The following NUP155 variants were observed in gnomAD, a reference collection of about 807,000 sequenced individuals.
The protein encoded by NUP155 is nucleoporin 155.
NUP155 carries 71 observed loss-of-function variants against 180.4 expected under a neutral mutation model. The ratio of observed to expected loss-of-function variants is 0.39; its 90% confidence interval spans 0.33 to 0.48. NUP155 has a LOEUF of 0.48. NUP155 is among the 20% of genes least tolerant of loss of function. The pLI is 0.91. For synonymous variants in NUP155, 582 were observed against 559.5 expected, an observed-to-expected ratio of 1.04 and a Z score of -0.57; for missense variants, 1,553 against 1,648.9, an observed-to-expected ratio of 0.94 and a Z score of 1.01.
At chr5:37,309,048 C>T in intron 24 of NUP155, 81 bp downstream of exon 24, 1 of 1,470,630 alleles carries the variant, frequency 6.8e-7, no homozygotes, top group Non-Finnish European at 9.4e-7. Context: ...AGTGGCTTTT[C>T]ATCATTAGCT....
chr5:37,342,451 T>A (rs1451329140), intron 10 of NUP155, 98 bp downstream of exon 10: 1 of 752,526 alleles, frequency 1.3e-6, no homozygotes, highest in African/African-American at 1.8e-5. Flanking sequence ...TTACGGCAGA[T>A]ATAGAAGGAA....
chr5:37,303,482 A>T, intron 27 of NUP155, 68 bp from the exon 28 acceptor site: 1 of 1,344,160 alleles, frequency 7.4e-7, no homozygotes, highest in South Asian at 1.2e-5. Context: ...GATAAGGAAA[A>T]TATAGTATTT....
chr5:37,296,121 C>G (rs1470574930), intron 32 of NUP155, among the ~76,000 whole-genome samples: 3 of 151,910 alleles, frequency 2.0e-5, no homozygotes, highest in Admixed American at 6.5e-5. Flanking sequence ...GCCCGGCCGC[C>G]CCTACTGGGA....
chr5:37,344,318 G>A (rs1170388173), intron 9 of NUP155, among the ~76,000 whole-genome samples: 1 of 148,588 alleles, frequency 6.7e-6, no homozygotes, highest in African/African-American at 2.5e-5. Context: ...CTCCAGACTG[G>A]GTGACAGAGC....
chr5:37,333,784 T>A lies in NUP155; in HGVS notation c.1348-151A>T. 4.3e-6 allele frequency: 3 copies of A among 690,658 alleles called. No homozygotes were observed. The South Asian group carries it at 5.7e-5, about 13-fold the overall frequency. 42.8% of individuals were successfully genotyped at this position (690,658 alleles called of 1,614,324 possible). ...ATTATGTAATTTTCTACTATCTTTT[T>A]TTTAAATCAGGTATTTTCTGGGTTT... On this transcript the variant is annotated intron_variant, in intron 12 of 34. Transcript: ENST00000231498.
chr5:37,294,005 CAAAAAAAAAAAAA>C (rs70976294), intron 33 of NUP155, among the ~76,000 whole-genome samples: 1 of 37,282 alleles, frequency 2.7e-5, no homozygotes, highest in Non-Finnish European at 3.7e-5. Flanking sequence ...GACGCCGTCT[CAAAAAAAAAAAAA>C]AAAAAAAAAA....
intron 11 of NUP155, among the ~76,000 whole-genome samples, chr5:37,340,401 T>A (rs1745635501): frequency 6.6e-6 from 1 of 151,224 alleles, no homozygotes. Context: ...GCAGAGATTG[T>A]GCTACTGCAC....
chr5:37,324,064 T>G lies in NUP155; in HGVS notation c.2135A>C (p.Gln712Pro). ...VPCQLLESVLQELKGLQEFLD... is the reference protein window; with the variant it reads ...VPCQLLESVLPELKGLQEFLD... ...AAATTCCTGCAAACCCTTTAGTTCTTGTAGCACTGACTCTAGCAGTTGGCA... is the reference window on the plus strand; with the variant it reads ...AAATTCCTGCAAACCCTTTAGTTCTGGTAGCACTGACTCTAGCAGTTGGCA... The change falls in exon 20 of 35, where the codon CAA becomes CCA. Residue 712 changes from glutamine to proline, a missense_variant. By Grantham distance (76) the Gln-to-Pro change is moderately conservative (BLOSUM62 -1). Coordinates refer to ENST00000231498, the MANE Select transcript of NUP155 (RefSeq NM_153485.3). The G allele has an allele frequency of 6.2e-7, 1 of 1,613,934 alleles. No individual in the cohort carries two copies. Among genetic ancestry groups the G allele is most frequent in the South Asian group, 1.1e-5 (1 of 91,074 alleles).
chr5:37,368,932 G>A (rs1747781645), intron 1 of NUP155, among the ~76,000 whole-genome samples: 1 of 152,148 alleles, frequency 6.6e-6, no homozygotes, highest in Non-Finnish European at 1.5e-5. Flanking sequence ...GGGAGGAATC[G>A]ATAACTTTAG....
chr5:37,325,048 G>C (rs374651192), intron 19 of NUP155, among the ~76,000 whole-genome samples: 1 of 152,282 alleles, frequency 6.6e-6, no homozygotes, highest in African/African-American at 2.4e-5. Flanking sequence ...CTACTCGTGA[G>C]GCTGTGGCAG....
intron 19 of NUP155, 118 bp from the exon 20 acceptor site, chr5:37,324,225 C>A: frequency 1.4e-6 from 1 of 712,166 alleles, no homozygotes; most frequent in Non-Finnish European, 2.5e-6. Context: ...TCAATTCACA[C>A]CTGTTGATCC....
At chr5:37,324,755 G>A (rs940500101) in intron 19 of NUP155, among the ~76,000 whole-genome samples, 3 of 152,262 alleles carry the variant, frequency 2.0e-5, no homozygotes, top group African/African-American at 4.8e-5. Context: ...ATCTGGCCGC[G>A]TTGCCCTGGC....
Position 37,327,775 on chromosome 5 carries a change from A to G in NUP155, c.1878T>C (p.Gly626=), listed in dbSNP as rs1452124961. The change falls in exon 18 of 35, where the codon GGT becomes GGC. Residue 626 remains glycine (G), a splice_region_variant and synonymous_variant. Transcript: ENST00000231498. The part of the protein sequence containing the change: ...NPSFLGTPSH[G]IQPPAMSTPV... ...GAGTTGACATGGCAGGAGGCTGTAT[A>G]CCTTGTACACACATAAGAAAAACAA... 2.5e-6 allele frequency: 4 copies of G among 1,613,948 alleles called. No homozygotes were observed. The highest frequency in any genetic ancestry group is 1.7e-6 in the Non-Finnish European group (2 of 1,179,968).
rs370665029 is a variant in NUP155, at chr5:37,366,495, T to C, written c.158-2111A>G. Among the ~76,000 whole-genome samples the C allele has an allele frequency of 2.7e-4, 41 of 152,280 alleles. 2 individuals are homozygous for C. The South Asian group carries it at 7.1e-3, about 26-fold the overall frequency. ...CGCTCTGACGCCAAGCTAGAGTGCA[T>C]TGGCGCGATCTCAGCTCACTGCAAC... On this transcript the variant is annotated intron_variant, in intron 1 of 34. Coordinates refer to ENST00000231498, the MANE Select transcript of NUP155 (RefSeq NM_153485.3).
intron 9 of NUP155, among the ~76,000 whole-genome samples, chr5:37,345,556 A>G (rs1340019190): frequency 6.6e-6 from 1 of 151,284 alleles, no homozygotes; most frequent in Non-Finnish European, 1.5e-5. Flanking sequence ...ATGTACTTTC[A>G]AATGGCTCAT....
intron 12 of NUP155, among the ~76,000 whole-genome samples, 186 bp from the exon 13 acceptor site, chr5:37,333,819 G>GTTTTTT (rs537125933): frequency 6.9e-6 from 1 of 145,292 alleles, no homozygotes; most frequent in Non-Finnish European, 1.5e-5. Context: ...TTTGTTTTTT[G>GTTTTTT]TTTTTTTTTT....
In NUP155 at chr5:37,304,743, A is replaced by G; in HGVS notation, c.3158T>C (p.Leu1053Pro). 6.3e-7 allele frequency: 1 copy of G among 1,596,838 alleles called. No individual in the cohort carries two copies. Among genetic ancestry groups the G allele is most frequent in the Non-Finnish European group, 8.6e-7 (1 of 1,164,472 alleles). ...CTGCAATAAAAAAAGATTTACCTGT[A>G]GCAGCTTATCTGCAAGGTCGACTTG... ...LIQVDLADKLLQVASPFLEPH... is the reference protein window; with the variant it reads ...LIQVDLADKLPQVASPFLEPH... Residue 1053 changes from leucine (L) to proline (P), a missense_variant, in exon 27 of 35, where the codon CTA becomes CCA. Coordinates refer to ENST00000231498, the MANE Select transcript of NUP155 (RefSeq NM_153485.3).
chr5:37,370,195 C>T (rs1223577528), intron 1 of NUP155, among the ~76,000 whole-genome samples: 2 of 152,116 alleles, frequency 1.3e-5, no homozygotes, highest in Non-Finnish European at 2.9e-5. Context: ...TATGGTGAAA[C>T]CCCGTCTCTA....
intron 1 of NUP155, 39 bp from the exon 2 acceptor site, chr5:37,364,423 C>G: frequency 6.3e-7 from 1 of 1,591,060 alleles, no homozygotes; most frequent in Non-Finnish European, 8.6e-7. Flanking sequence ...TAATGTACTG[C>G]TCATCAACCG....
Sources: gnomAD v4.1 joint callset for allele counts (sites outside exome capture counted in the v4.1 genomes callset) on GRCh38, gnomAD v4.1.1 for gene constraint, MANE v1.5 for transcripts, NCBI Gene and HGNC (gene_info 2026-07-23, HGNC 2026-07-21) for gene names.